DENND1A: variants seen among roughly 807,000 people sequenced by gnomAD.
DENND1A encodes the protein DENN domain containing 1A.
In DENND1A, 51 loss-of-function variants were observed where a neutral mutation model predicts 113.7. The ratio of observed to expected loss-of-function variants is 0.45; its 90% CI spans 0.36 to 0.57. DENND1A has a LOEUF of 0.57. Among genes scored for constraint, DENND1A ranks in the 20% least tolerant of loss-of-function variants. The probability of loss-of-function intolerance (pLI) is 0.00; values close to 1 mark genes in which losing one functional copy is unlikely to be tolerated. For missense variants in DENND1A, 1,258 were observed against 1,395.9 expected (o/e 0.90, Z 1.57); for synonymous variants, 565 against 570.8 (o/e 0.99, Z 0.14).
chr9:123,928,862 G>T, intron 1 of DENND1A: 1 of 985,442 alleles, frequency 1.0e-6, no homozygotes, highest in Non-Finnish European at 1.2e-6. Context: ...TTGTAAGAGG[G>T]TTTAAAGTGT....
chr9:123,839,478 A>T (rs947356170), intron 2 of DENND1A, among the ~76,000 whole-genome samples: 2 of 152,210 alleles, frequency 1.3e-5, no homozygotes, highest in Non-Finnish European at 2.9e-5. Flanking sequence ...ACCTTATAAA[A>T]TACATGATGT....
intron 2 of DENND1A, among the ~76,000 whole-genome samples, chr9:123,806,341 T>C (rs1436705685): frequency 2.6e-5 from 4 of 151,752 alleles, no homozygotes; most frequent in Non-Finnish European, 5.9e-5. Context: ...CCGCAACCTC[T>C]GCCTCCTGGG....
chr9:123,756,202 G>A (rs1269965896), intron 5 of DENND1A, among the ~76,000 whole-genome samples: 2 of 152,150 alleles, frequency 1.3e-5, no homozygotes, highest in Non-Finnish European at 2.9e-5. Context: ...GTGAGCTACC[G>A]TGCCCGGCCA....
At chr9:123,403,307 T>C (rs2043648777) in intron 21 of DENND1A, 95 bp downstream of exon 21, 2 of 1,315,474 alleles carry the variant, frequency 1.5e-6, no homozygotes, top group Non-Finnish European at 2.1e-6. Flanking sequence ...CGGGGAAGCC[T>C]CACAAAGGCC....
At chr9:123,832,698 G>T (rs1840410804) in intron 2 of DENND1A, among the ~76,000 whole-genome samples, 1 of 152,072 alleles carries the variant, frequency 6.6e-6, no homozygotes, top group South Asian at 2.1e-4. Context: ...GCAAACTACA[G>T]GTGCACACAA....
At chr9:123,804,017 A>G (rs373125863) in intron 2 of DENND1A, among the ~76,000 whole-genome samples, 40 of 152,364 alleles carry the variant, frequency 2.6e-4, no homozygotes, top group African/African-American at 8.7e-4. Flanking sequence ...TCCTTGATAC[A>G]GTTTGGCTGT....
intron 5 of DENND1A, among the ~76,000 whole-genome samples, chr9:123,717,931 C>A (rs1231726280): frequency 1.3e-5 from 2 of 152,190 alleles, no homozygotes; most frequent in Non-Finnish European, 2.9e-5. Context: ...ACATACAACT[C>A]TTAACAACTC....
intron 13 of DENND1A, chr9:123,493,095 C>G (rs1157975267): frequency 6.6e-6 from 1 of 152,440 alleles, no homozygotes; most frequent in African/African-American, 2.4e-5. Flanking sequence ...CAGTGATGCT[C>G]AGGCAGGGCT....
intron 13 of DENND1A, among the ~76,000 whole-genome samples, chr9:123,548,798 A>T (rs2056867788): frequency 6.6e-6 from 1 of 152,248 alleles, no homozygotes; most frequent in Admixed American, 6.5e-5. Flanking sequence ...GATGCTACCA[A>T]AATAAGCCAG....
rs147338114 is a variant in DENND1A at position 123,627,066 on chromosome 9, C to T, written c.719+3310G>A. On this transcript the variant is annotated intron_variant, in intron 10 of 23. Transcript: ENST00000394215. ...GCCAGATGTGACAATGCATCCCCATCCCTGAGCCTGTGCATGGTGGGGAGA... is the reference window on the plus strand; with the variant it reads ...GCCAGATGTGACAATGCATCCCCATTCCTGAGCCTGTGCATGGTGGGGAGA... Among the ~76,000 whole-genome samples the T allele has an allele frequency of 7.8e-3, 1,195 of 152,286 alleles. 7 individuals are homozygous for T. The highest frequency in any genetic ancestry group is 0.014 in the Non-Finnish European group (924 of 68,030).
At chr9:123,390,227 C>A (rs531951521) in intron 21 of DENND1A, among the ~76,000 whole-genome samples, 20 of 152,382 alleles carry the variant, frequency 1.3e-4, no homozygotes, top group Non-Finnish European at 2.6e-4. Flanking sequence ...AGCTGGGGTA[C>A]AGCATGAATG....
chr9:123,686,995 C>A (rs1048389524), intron 5 of DENND1A, among the ~76,000 whole-genome samples: 1 of 152,118 alleles, frequency 6.6e-6, no homozygotes. Flanking sequence ...AACCCATTTA[C>A]GCTCTATGCT....
At chr9:123,407,983 GCT>G (rs1194365923) in intron 20 of DENND1A, among the ~76,000 whole-genome samples, 1 of 152,156 alleles carries the variant, frequency 6.6e-6, no homozygotes, top group East Asian at 1.9e-4. Context: ...GTTTTCTTCT[GCT>G]CTTTCTTTTT....
At chr9:123,649,609 G>C (rs543018103) in intron 9 of DENND1A, among the ~76,000 whole-genome samples, 1 of 152,268 alleles carries the variant, frequency 6.6e-6, no homozygotes, top group Non-Finnish European at 1.5e-5. Flanking sequence ...ATTTCTGTAA[G>C]TTAAATAACC....
chr9:123,686,628 T>C (rs552123282), intron 5 of DENND1A, among the ~76,000 whole-genome samples: 3 of 152,290 alleles, frequency 2.0e-5, no homozygotes, highest in African/African-American at 7.2e-5. Flanking sequence ...CAAATATAAA[T>C]AGCTCAATTT....
At chr9:123,524,591 C>T (rs150966349) in intron 13 of DENND1A, among the ~76,000 whole-genome samples, 11 of 152,268 alleles carry the variant, frequency 7.2e-5, no homozygotes, top group African/African-American at 2.6e-4. Context: ...CATTTAAGGG[C>T]TGAATTTGCT....
intron 8 of DENND1A, among the ~76,000 whole-genome samples, chr9:123,657,093 C>A (rs1475886040): frequency 6.6e-6 from 1 of 152,218 alleles, no homozygotes; most frequent in Non-Finnish European, 1.5e-5. Flanking sequence ...CTGGACAGAG[C>A]AGCCTGCAAG....
rs183893518 is a variant in DENND1A at position 123,667,210 on chromosome 9, C to T, written c.454-131G>A. On this transcript the variant is annotated intron_variant, in intron 7 of 23. Transcript: ENST00000394215. ...GAAACGGTTTCACTCAGAAGAAACA[C>T]CCATGGAATATTTTCTTTGGATAAT... The T allele has an allele frequency of 1.4e-5, 12 of 839,034 alleles. No individual in the cohort carries two copies. In the South Asian group the frequency reaches 1.9e-4, roughly 13 times the overall value. 52.0% of individuals were successfully genotyped at this position (839,034 alleles called of 1,614,324 possible). A position where few individuals can be genotyped will look rare whatever the true frequency, so the allele number is the denominator to read the frequency against.
intron 2 of DENND1A, among the ~76,000 whole-genome samples, chr9:123,796,166 G>A (rs16926858): frequency 6.6e-6 from 1 of 152,176 alleles, no homozygotes; most frequent in African/African-American, 2.4e-5. Context: ...TAACCAAAGA[G>A]GCAGGTAGCT....
Sources: allele counts gnomAD v4.1 joint callset (sites outside exome capture counted in the v4.1 genomes callset), GRCh38; gene constraint gnomAD v4.1.1; transcripts MANE v1.5; gene names NCBI Gene and HGNC (gene_info 2026-07-23, HGNC 2026-07-21).